UTRN: variants seen among roughly 807,000 people sequenced by gnomAD.
The protein encoded by UTRN is dystrophin-related protein 1.
A neutral mutation model predicts 463.9 loss-of-function variants in UTRN; 283 were observed. The ratio of observed to expected loss-of-function variants is 0.61; its 90% CI spans 0.55 to 0.67. The LOEUF (loss-of-function observed/expected upper bound fraction) is 0.67. UTRN is among the 30% of genes least tolerant of loss of function. The pLI, the probability that UTRN is intolerant of heterozygous loss-of-function variation, is 0.00. For missense variants in UTRN, 3,922 were observed against 4,084.3 expected (o/e 0.96, Z 1.08); for synonymous variants, 1,442 against 1,431.5 (o/e 1.01, Z -0.17).
chr6:144,771,718 C>A (rs533500427), intron 58 of UTRN, among the ~76,000 whole-genome samples, 189 bp from the exon 59 acceptor site: 1 of 151,916 alleles, frequency 6.6e-6, no homozygotes, highest in South Asian at 2.1e-4. Context: ...AGCCACTGCC[C>A]CTGGCCAATG....
chr6:144,290,877 G>A (rs1421980307), intron 1 of UTRN, among the ~76,000 whole-genome samples: 1 of 146,582 alleles, frequency 6.8e-6, no homozygotes, highest in African/African-American at 2.5e-5. Context: ...CAATTCTCCT[G>A]CATTAGCCTC....
chr6:144,423,931 T>G (rs1785074277), intron 5 of UTRN, 55 bp from the exon 6 acceptor site: 2 of 1,558,084 alleles, frequency 1.3e-6, no homozygotes. Flanking sequence ...TGGAGTTCTG[T>G]GAAGAAATTG....
In UTRN at chr6:144,587,118, T is replaced by A. The variant is rs951075515; in HGVS notation, c.7479+9830T>A. Among the ~76,000 whole-genome samples, 3 of 152,202 alleles carry A rather than the reference T, an allele frequency of 2.0e-5. No individual in the cohort carries two copies. The East Asian group carries it at 5.8e-4, about 29-fold the overall frequency. The stretch of plus-strand genomic sequence containing the variant: ...TTTTTGTACCACAGTTGATTCTTTT[T>A]CTCTATGTGGTATACACAACACGAT... On this transcript the variant is annotated intron_variant, in intron 51 of 74. Transcript: ENST00000367545.
At chr6:144,545,998 C>T (rs1798367833) in intron 46 of UTRN, among the ~76,000 whole-genome samples, 1 of 152,190 alleles carries the variant, frequency 6.6e-6, no homozygotes, top group South Asian at 2.1e-4. Flanking sequence ...CCAGCCCAAA[C>T]TTTGTCTTGC....
At position 144,438,619 on chromosome 6, in the gene UTRN, A is replaced by C. The variant is rs970591868; in HGVS notation, c.1242-126A>C. 4.2e-6 allele frequency: 5 copies of C among 1,202,002 alleles called. 1 individual carries two copies. In the African/African-American group the frequency reaches 7.6e-5, roughly 18 times the overall value. The allele number at this position is 1,202,002 out of a possible 1,614,324, so 74.5% of individuals were successfully genotyped here. A position where few individuals can be genotyped will look rare whatever the true frequency, so the allele number is the denominator to read the frequency against. Reference sequence around the variant, plus strand: ...TCCTGGCTTCTATATTTAAAGACTAAATGCTACCTTGAATGTTTAGACAAG... The same window carrying C: ...TCCTGGCTTCTATATTTAAAGACTACATGCTACCTTGAATGTTTAGACAAG... On this transcript the variant is annotated intron_variant, in intron 11 of 74. Transcript: ENST00000367545.
chr6:144,599,581 A>G (rs1419231547), intron 51 of UTRN, among the ~76,000 whole-genome samples: 2 of 152,222 alleles, frequency 1.3e-5, no homozygotes, highest in Non-Finnish European at 2.9e-5. Context: ...CAAATCACTT[A>G]TAATTTTGTT....
chr6:144,700,552 T>G (rs1050690297), intron 53 of UTRN, among the ~76,000 whole-genome samples: 39 of 151,364 alleles, frequency 2.6e-4, no homozygotes, highest in East Asian at 7.7e-4. Flanking sequence ...AGGTTTTGGG[T>G]TTTTTTTGTT....
chr6:144,771,845 T>G, intron 58 of UTRN, 62 bp from the exon 59 acceptor site: 3 of 1,371,098 alleles, frequency 2.2e-6, no homozygotes, highest in Non-Finnish European at 3.0e-6. Flanking sequence ...TATTTCGTTT[T>G]TGGCCTATAT....
chr6:144,431,307 G>A (rs1189017063), intron 9 of UTRN, among the ~76,000 whole-genome samples: 3 of 152,188 alleles, frequency 2.0e-5, no homozygotes, highest in Admixed American at 6.5e-5. Flanking sequence ...AGGGCTCAGC[G>A]TGGCATGATA....
At chr6:144,446,279 G>T (rs1215188661) in intron 14 of UTRN, among the ~76,000 whole-genome samples, 1 of 152,130 alleles carries the variant, frequency 6.6e-6, no homozygotes, top group African/African-American at 2.4e-5. Context: ...GTGTGTGTGT[G>T]TGTACTGTCT....
intron 52 of UTRN, among the ~76,000 whole-genome samples, chr6:144,681,954 T>C (rs1430101591): frequency 6.6e-6 from 1 of 152,176 alleles, no homozygotes; most frequent in Non-Finnish European, 1.5e-5. Context: ...GTGGTATCTA[T>C]CCCCTCAAGC....
intron 51 of UTRN, among the ~76,000 whole-genome samples, chr6:144,647,622 C>G (rs1006184021): frequency 6.6e-6 from 1 of 152,228 alleles, no homozygotes; most frequent in Non-Finnish European, 1.5e-5. Context: ...GCTTTGCGGT[C>G]TAGGGGAATT....
At chr6:144,809,966 A>G (rs1778468343) in intron 65 of UTRN, among the ~76,000 whole-genome samples, 1 of 152,170 alleles carries the variant, frequency 6.6e-6, no homozygotes, top group South Asian at 2.1e-4. Context: ...TCAGGAAGAG[A>G]AGACCCAAAG....
intron 64 of UTRN, among the ~76,000 whole-genome samples, chr6:144,802,404 G>T (rs1007952177): frequency 2.6e-5 from 4 of 152,044 alleles, no homozygotes; most frequent in Non-Finnish European, 5.9e-5. Flanking sequence ...TTTTTCTGTA[G>T]ATGTGGGTAT....
intron 64 of UTRN, among the ~76,000 whole-genome samples, chr6:144,798,867 G>A (rs908987950): frequency 3.6e-4 from 55 of 152,312 alleles, no homozygotes; most frequent in African/African-American, 1.2e-3. Flanking sequence ...TCGGCCTCCC[G>A]AGTAGCTGGG....
At chr6:144,662,282 A>T (rs200408161) in intron 51 of UTRN, among the ~76,000 whole-genome samples, 2 of 152,202 alleles carry the variant, frequency 1.3e-5, no homozygotes, top group Non-Finnish European at 2.9e-5. Context: ...TATTGGCAGG[A>T]AAACTGGAAT....
At chr6:144,449,568 C>T (rs895693076) in intron 17 of UTRN, among the ~76,000 whole-genome samples, 2 of 152,138 alleles carry the variant, frequency 1.3e-5, no homozygotes, top group African/African-American at 4.8e-5. Flanking sequence ...AAATAGAAAG[C>T]TGCTGTTAAG....
chr6:144,422,433 A>G (rs1201238379), intron 4 of UTRN, among the ~76,000 whole-genome samples: 2 of 152,220 alleles, frequency 1.3e-5, no homozygotes, highest in Non-Finnish European at 2.9e-5. Flanking sequence ...CCTGAGCAAC[A>G]TGGTGAAACC....
chr6:144,778,000 T>C (rs1046811132), intron 60 of UTRN, among the ~76,000 whole-genome samples: 1 of 152,202 alleles, frequency 6.6e-6, no homozygotes, highest in African/African-American at 2.4e-5. Context: ...AAGTTCTTAT[T>C]GTGTTGTATT....
Sources: allele counts gnomAD v4.1 joint callset (sites outside exome capture counted in the v4.1 genomes callset), GRCh38; gene constraint gnomAD v4.1.1; transcripts MANE v1.5; gene names NCBI Gene and HGNC (gene_info 2026-07-23, HGNC 2026-07-21).